TSNAXIP1: variants seen among roughly 807,000 people sequenced by gnomAD.
TSNAXIP1 encodes the protein translin-associated factor X-interacting protein 1.
A neutral mutation model predicts 84.8 loss-of-function variants in TSNAXIP1; 89 were observed. The observed-to-expected ratio is 1.05, with a 90% CI of 0.88 to 1.25. The LOEUF (loss-of-function observed/expected upper bound fraction) is 1.25, where lower values mean the gene tolerates loss of function less well. Among genes scored for constraint, TSNAXIP1 ranks in the 50% most tolerant of loss-of-function variants. TSNAXIP1 has a pLI of 0.00. For missense variants in TSNAXIP1, 874 were observed against 887.6 expected (o/e 0.98, Z 0.20); for synonymous variants, 347 against 335.2 (o/e 1.04, Z -0.39).
chr16:67,826,771 C>T lies in TSNAXIP1; in HGVS notation c.1481C>T (p.Thr494Ile). 4 of 1,614,168 alleles carry T rather than the reference C, an allele frequency of 2.5e-6. No homozygotes were observed. The African/African-American group carries it at 4.0e-5, about 16-fold the overall frequency. The change falls in exon 12 of 16, where the codon ACT (threonine) becomes ATT (isoleucine). Residue 494 changes from threonine (T) to isoleucine (I), a missense_variant. Thr to Ile is a moderately conservative substitution (Grantham distance 89). Coordinates refer to ENST00000561639, the MANE Select transcript of TSNAXIP1 (RefSeq NM_001288990.3). ...AGTGATGCCATGGCCTGGGCTTATA[C>T]TATTTTTGAAAATATCAAGATCTTC... is the stretch of plus-strand genomic sequence containing the variant. The part of the protein sequence containing the change: ...GPSDAMAWAY[T>I]IFENIKIFHS...
rs757259603 is a variant in TSNAXIP1, at chr16:67,826,333, C to A, written c.1275+51C>A. 2.3e-5 allele frequency: 37 copies of A among 1,593,234 alleles called. No homozygotes were observed. The South Asian group carries it at 3.8e-4, about 16-fold the overall frequency. ...TTGGGCCAGAGTCAGAACAGCCATG[C>A]CCTGCTGCTCAGACAAGCTTTTGGG... On this transcript the variant is annotated intron_variant, in intron 10 of 15. Coordinates refer to ENST00000561639, the MANE Select transcript of TSNAXIP1 (RefSeq NM_001288990.3).
rs2057507559 is a variant in TSNAXIP1, at chr16:67,827,035, A to T, written c.1627A>T (p.Ser543Cys). Residue 543 changes from serine (S) to cysteine (C), a missense_variant, in exon 13 of 16, where the codon AGT (serine) becomes TGT (cysteine). By Grantham distance (112) the Ser-to-Cys change is moderately radical. Coordinates refer to ENST00000561639, the MANE Select transcript of TSNAXIP1 (RefSeq NM_001288990.3). ...GCTGAAGGAGATGACAAATGCTGAC[A>T]GTCAGAACGAGGGGCTACTAACCAT... Reference protein sequence around the residue: ...QLLKEMTNADSQNEGLLTMEQ... With the variant: ...QLLKEMTNADCQNEGLLTMEQ... 6.2e-7 allele frequency: 1 copy of T among 1,614,078 alleles called. No homozygotes were observed. Among genetic ancestry groups the T allele is most frequent in the African/African-American group, 1.3e-5 (1 of 74,942 alleles).
In TSNAXIP1 at chr16:67,824,735, C is replaced by T. The variant is rs1429324913; in HGVS notation, c.634C>T (p.Leu212Phe). 5.6e-6 allele frequency: 9 copies of T among 1,614,022 alleles called. No individual in the cohort carries two copies. Among genetic ancestry groups the T allele is most frequent in the African/African-American group, 2.7e-5 (2 of 74,924 alleles). The change falls in exon 6 of 16, where the codon CTC (leucine) becomes TTC (phenylalanine). Residue 212 changes from leucine (L) to phenylalanine (F), a missense_variant. Physicochemically the swap from Leu to Phe is conservative, Grantham distance 22. Coordinates refer to ENST00000561639, the MANE Select transcript of TSNAXIP1 (RefSeq NM_001288990.3). ...GAAAGAGAAGATGAACTTGCTAAAACTCATCGACAAAAAGAATGAGGAGAA... is the reference window on the plus strand; with the variant it reads ...GAAAGAGAAGATGAACTTGCTAAAATTCATCGACAAAAAGAATGAGGAGAA... ...LKKEKMNLLK[L>F]IDKKNEEKIS...
At chr16:67,822,011 G>A (rs1349664090) in intron 4 of TSNAXIP1, among the ~76,000 whole-genome samples, 1 of 151,086 alleles carries the variant, frequency 6.6e-6, no homozygotes, top group Non-Finnish European at 1.5e-5. Context: ...AGGCACGGTG[G>A]CTCACACCTG....
At chr16:67,815,809 T>G (rs1335152149) in intron 2 of TSNAXIP1, among the ~76,000 whole-genome samples, 1 of 151,350 alleles carries the variant, frequency 6.6e-6, no homozygotes, top group Non-Finnish European at 1.5e-5. Flanking sequence ...CAATACTGTT[T>G]TTTTTTTTGA....
Position 67,807,119 on chromosome 16 carries a change from C to T in TSNAXIP1, c.-31C>T, listed in dbSNP as rs768723983. 2.0e-6 allele frequency: 3 copies of T among 1,533,406 alleles called. No homozygotes were observed. In the South Asian group the frequency reaches 3.6e-5, roughly 18 times the overall value. 95.0% of individuals were successfully genotyped at this position (1,533,406 alleles called of 1,614,324 possible). ...TACGCTACCACAGCTTCCCAGGCCG[C>T]GGGTGCTGATTGCCCGCCTGCCCGT... On this transcript the variant is annotated 5_prime_UTR_variant, in exon 1 of 16. Coordinates refer to ENST00000561639, the MANE Select transcript of TSNAXIP1 (RefSeq NM_001288990.3).
At chr16:67,810,207 A>G (rs916359317) in intron 1 of TSNAXIP1, among the ~76,000 whole-genome samples, 9 of 152,112 alleles carry the variant, frequency 5.9e-5, no homozygotes, top group Non-Finnish European at 1.2e-4. Context: ...TCTCCTCCCT[A>G]TCGGCTTTTC....
At chr16:67,818,560 T>C (rs2151225530) in intron 2 of TSNAXIP1, among the ~76,000 whole-genome samples, 1 of 152,010 alleles carries the variant, frequency 6.6e-6, no homozygotes, top group Non-Finnish European at 1.5e-5. Context: ...CTTCCAGGGT[T>C]ATTTTGTGCT....
At chr16:67,810,796 G>A (rs1427727759) in intron 1 of TSNAXIP1, among the ~76,000 whole-genome samples, 1 of 148,968 alleles carries the variant, frequency 6.7e-6, no homozygotes, top group Non-Finnish European at 1.5e-5. Context: ...CTGGAGTGCA[G>A]TGGCATGATC....
intron 2 of TSNAXIP1, among the ~76,000 whole-genome samples, chr16:67,815,838 C>CA: frequency 6.6e-6 from 1 of 151,258 alleles, no homozygotes. Context: ...CTTGCTCTGT[C>CA]ACCCAGGAAG....
In TSNAXIP1 at chr16:67,824,593, G is replaced by T. The variant is rs766069423; in HGVS notation, c.492G>T (p.Arg164Ser). ...NAYEGMLAHQ[R>S]EKIRALEPLK... ...CCTGTCTCTGCTTAGCCCACCAAAG[G>T]GAGAAGATTCGGGCTCTGGAGCCCC... is the stretch of plus-strand genomic sequence containing the variant. Residue 164 changes from arginine (R) to serine (S), a missense_variant, in exon 6 of 16, where the codon AGG (arginine) becomes AGT (serine). By Grantham distance (110) the Arg-to-Ser change is moderately radical. Transcript: ENST00000561639. 4 of 1,613,792 alleles carry T rather than the reference G, an allele frequency of 2.5e-6. No individual in the cohort carries two copies. Among genetic ancestry groups the T allele is most frequent in the Non-Finnish European group, 3.4e-6 (4 of 1,179,904 alleles).
In TSNAXIP1 at chr16:67,826,479, C is replaced by T. The variant is rs2057461052; in HGVS notation, c.1318C>T (p.Leu440Phe). 1.2e-6 allele frequency: 2 copies of T among 1,614,094 alleles called. No individual in the cohort carries two copies. Among genetic ancestry groups the T allele is most frequent in the Non-Finnish European group, 1.7e-6 (2 of 1,180,026 alleles). Reference sequence around the variant, plus strand: ...CCCTGCTTTTCTTCGGTTTGATGGCCTCGTGGAGAACAAGAAGCCAAGCAA... The same window carrying T: ...CCCTGCTTTTCTTCGGTTTGATGGCTTCGTGGAGAACAAGAAGCCAAGCAA... ...AIPAFLRFDG[L>F]VENKKPSKKD... Residue 440 changes from leucine to phenylalanine, a missense_variant, in exon 11 of 16, where the codon CTC (leucine) becomes TTC (phenylalanine). Leu to Phe is a conservative substitution (Grantham distance 22). Coordinates refer to ENST00000561639, the MANE Select transcript of TSNAXIP1 (RefSeq NM_001288990.3).
chr16:67,821,914 G>A (rs574280277), intron 4 of TSNAXIP1, among the ~76,000 whole-genome samples: 15 of 152,112 alleles, frequency 9.9e-5, no homozygotes, highest in South Asian at 6.2e-4. Context: ...GAACCCAGGC[G>A]GCAGAGGTTG....
intron 6 of TSNAXIP1, 34 bp downstream of exon 6, chr16:67,824,813 C>G: frequency 6.3e-7 from 1 of 1,598,112 alleles, no homozygotes; most frequent in Non-Finnish European, 8.5e-7. Context: ...GACCAAGTCC[C>G]CGAATTCCTG....
At chr16:67,826,617 T>C in intron 11 of TSNAXIP1, 55 bp downstream of exon 11, 3 of 1,612,792 alleles carry the variant, frequency 1.9e-6, no homozygotes, top group Non-Finnish European at 2.5e-6. Flanking sequence ...CAGAGTCCTC[T>C]GCAGGTCCAG....
rs754622023 is a variant in TSNAXIP1, at chr16:67,826,482, G to T, written c.1321G>T (p.Val441Leu). 6.2e-7 allele frequency: 1 copy of T among 1,613,976 alleles called. No homozygotes were observed. The highest frequency in any genetic ancestry group is 1.1e-5 in the South Asian group (1 of 91,078). The change falls in exon 11 of 16, where the codon GTG becomes TTG. Residue 441 changes from valine (V) to leucine (L), a missense_variant. Physicochemically the swap from Val to Leu is conservative, Grantham distance 32. Coordinates refer to ENST00000561639, the MANE Select transcript of TSNAXIP1 (RefSeq NM_001288990.3). ...IPAFLRFDGLVENKKPSKKDV... is the reference protein window; with the variant it reads ...IPAFLRFDGLLENKKPSKKDV... Reference sequence around the variant, plus strand: ...TGCTTTTCTTCGGTTTGATGGCCTCGTGGAGAACAAGAAGCCAAGCAAGAA... The same window carrying T: ...TGCTTTTCTTCGGTTTGATGGCCTCTTGGAGAACAAGAAGCCAAGCAAGAA...
intron 1 of TSNAXIP1, among the ~76,000 whole-genome samples, chr16:67,812,241 C>A (rs1376176443): frequency 6.6e-6 from 1 of 152,162 alleles, no homozygotes; most frequent in African/African-American, 2.4e-5. Flanking sequence ...GTAGCCCTTC[C>A]TGTTGGTCCC....
chr16:67,812,735 G>A (rs1212351963), intron 1 of TSNAXIP1, among the ~76,000 whole-genome samples: 1 of 151,896 alleles, frequency 6.6e-6, no homozygotes, highest in Non-Finnish European at 1.5e-5. Context: ...GGAGGCTGAG[G>A]CAGGCAGATC....
At chr16:67,812,814 T>C (rs2056211739) in intron 1 of TSNAXIP1, among the ~76,000 whole-genome samples, 1 of 152,078 alleles carries the variant, frequency 6.6e-6, no homozygotes, top group Non-Finnish European at 1.5e-5. Flanking sequence ...TCTCACTATG[T>C]TGCTCAGGCT....
Sources: gnomAD v4.1 joint callset for allele counts (sites outside exome capture counted in the v4.1 genomes callset) on GRCh38, gnomAD v4.1.1 for gene constraint, MANE v1.5 for transcripts, NCBI Gene and HGNC (gene_info 2026-07-23, HGNC 2026-07-21) for gene names.